Variants in BICRA observed in about 807,000 individuals in gnomAD.
BICRA encodes the protein BRD4-interacting chromatin-remodeling complex-associated protein.
Under a neutral mutation model 96.9 loss-of-function variants are expected in BICRA, and 31 were observed. The observed-to-expected ratio is 0.32, with a 90% CI of 0.24 to 0.43. BICRA has a LOEUF of 0.43. Ranked by LOEUF, BICRA falls within the 20% of genes least tolerant of loss-of-function variation. The pLI is 1.00. For synonymous variants in BICRA, 1,350 were observed against 1,071.8 expected (o/e 1.26, Z -5.07); for missense variants, 2,283 against 2,190.3 (o/e 1.04, Z -0.84).
At chr19:47,668,428 G>A (rs1465508607) in intron 1 of BICRA, among the ~76,000 whole-genome samples, 1 of 151,796 alleles carries the variant, frequency 6.6e-6, no homozygotes, top group Non-Finnish European at 1.5e-5. Context: ...AGCTCAAATT[G>A]CAAAGCAGTG....
In BICRA at chr19:47,679,832, G is replaced by A. The variant is rs1973003110; in HGVS notation, c.662G>A (p.Ser221Asn). The A allele has an allele frequency of 2.0e-6, 3 of 1,489,194 alleles. No individual in the cohort carries two copies. Among genetic ancestry groups the A allele is most frequent in the South Asian group, 1.3e-5 (1 of 76,124 alleles). 92.2% of individuals were successfully genotyped at this position (1,489,194 alleles called of 1,614,324 possible). A position where few individuals can be genotyped will look rare whatever the true frequency, so the allele number is the denominator to read the frequency against. Residue 221 changes from serine to asparagine, a missense_variant, in exon 6 of 15, where the codon AGC becomes AAC. Transcript: ENST00000594866. ...GGCCTCCAAGGCCTGCCCAATGGCAGCCCTGGGGGTGCCACGGCGGCCACA... is the reference window on the plus strand; with the variant it reads ...GGCCTCCAAGGCCTGCCCAATGGCAACCCTGGGGGTGCCACGGCGGCCACA... ...IPGLQGLPNG[S>N]PGGATAATLG...
chr19:47,632,642 A>G (rs1277827236), intron 1 of BICRA, among the ~76,000 whole-genome samples: 1 of 152,148 alleles, frequency 6.6e-6, no homozygotes, highest in Non-Finnish European at 1.5e-5. Flanking sequence ...TGAGGGGTCA[A>G]ATAATAGTAC....
chr19:47,641,263 T>C (rs1033653494), intron 1 of BICRA, among the ~76,000 whole-genome samples: 2 of 151,928 alleles, frequency 1.3e-5, no homozygotes, highest in East Asian at 1.9e-4. Flanking sequence ...TTATGTACAG[T>C]GTGACACACC....
At chr19:47,620,649 G>A (rs1599783780) in intron 1 of BICRA, among the ~76,000 whole-genome samples, 1 of 108,318 alleles carries the variant, frequency 9.2e-6, no homozygotes, top group African/African-American at 3.7e-5. Context: ...TAGCTTGGGC[G>A]ACAGAGTGAG....
chr19:47,674,814 A>G (rs1343425391), intron 4 of BICRA, among the ~76,000 whole-genome samples: 3 of 152,216 alleles, frequency 2.0e-5, no homozygotes, highest in Non-Finnish European at 4.4e-5. Context: ...GAGAGAGGAC[A>G]CAGGAGGAAC....
intron 1 of BICRA, among the ~76,000 whole-genome samples, chr19:47,644,523 T>A (rs1346835533): frequency 7.1e-6 from 1 of 140,866 alleles, no homozygotes; most frequent in Admixed American, 7.1e-5. Context: ...TTCTTTCTGA[T>A]GGAATCTCAC....
At chr19:47,681,439 G>A (rs2123589439) in intron 6 of BICRA, among the ~76,000 whole-genome samples, 163 bp downstream of exon 6, 1 of 152,324 alleles carries the variant, frequency 6.6e-6, no homozygotes, top group African/African-American at 2.4e-5. Flanking sequence ...GAGGCCCGAA[G>A]GGTGAGGGCC....
At chr19:47,683,279 C>T (rs1973094661) in intron 7 of BICRA, among the ~76,000 whole-genome samples, 1 of 151,930 alleles carries the variant, frequency 6.6e-6, no homozygotes, top group Non-Finnish European at 1.5e-5. Context: ...TTCCCCCGCC[C>T]CCCGCAACCT....
chr19:47,667,696 C>T (rs1003011211), intron 1 of BICRA, among the ~76,000 whole-genome samples: 56 of 152,180 alleles, frequency 3.7e-4, no homozygotes, highest in African/African-American at 1.3e-3. Context: ...AGCCACTCGC[C>T]ACTCCTGTTC....
intron 1 of BICRA, among the ~76,000 whole-genome samples, chr19:47,631,944 C>T (rs1409796284): frequency 2.0e-5 from 3 of 152,228 alleles, no homozygotes; most frequent in African/African-American, 4.8e-5. Context: ...CTACTGCGCC[C>T]GGCCTTTCCC....
rs192731858 is a variant in BICRA, at chr19:47,622,646, C to T, written c.-108+13478C>T. Among the ~76,000 whole-genome samples, 394 of 150,246 alleles carry T rather than the reference C, an allele frequency of 2.6e-3. 2 individuals carry two copies. The highest frequency in any genetic ancestry group is 9.3e-3 in the African/African-American group (379 of 40,774). ...GACTGAGGCAGGAGAATGGTGTGAA[C>T]CCGGGAGGCGGAGCTTGCAGTGAGC... On this transcript the variant is annotated intron_variant, in intron 1 of 14. Transcript: ENST00000594866.
chr19:47,674,851 C>G (rs1972918066), intron 4 of BICRA, among the ~76,000 whole-genome samples: 1 of 152,194 alleles, frequency 6.6e-6, no homozygotes, highest in Admixed American at 6.6e-5. Context: ...GACCCAGTCT[C>G]CAAAGTCCCA....
rs780369941 is a variant in BICRA, at chr19:47,680,452, C to G, written c.1282C>G (p.Pro428Ala). The G allele has an allele frequency of 1.9e-6, 3 of 1,539,568 alleles. No individual in the cohort carries two copies. Among genetic ancestry groups the G allele is most frequent in the South Asian group, 1.2e-5 (1 of 83,986 alleles). ...GCAAGCGAACGTCTTCAAGCAGCCA[C>G]CGGCCACCACCACCGGAGCGGCCCC... The part of the protein sequence containing the change: ...ALQANVFKQP[P>A]ATTTGAAPPQ... Residue 428 changes from proline to alanine, a missense_variant, in exon 6 of 15, where the codon CCG (proline) becomes GCG (alanine). Transcript: ENST00000594866.
At chr19:47,609,426 C>T (rs1971861302) in intron 1 of BICRA, among the ~76,000 whole-genome samples, 2 of 149,272 alleles carry the variant, frequency 1.3e-5, no homozygotes, top group Admixed American at 1.3e-4. Flanking sequence ...GCCACCGGCA[C>T]CCCCAGCCCC....
intron 1 of BICRA, among the ~76,000 whole-genome samples, chr19:47,657,536 A>G (rs1276292738): frequency 6.6e-6 from 1 of 152,044 alleles, no homozygotes; most frequent in East Asian, 1.9e-4. Flanking sequence ...AGCTGGGACT[A>G]CAGGTACCCA....
chr19:47,661,573 A>C (rs1972706126), intron 1 of BICRA: 1 of 152,194 alleles, frequency 6.6e-6, no homozygotes, highest in Non-Finnish European at 1.5e-5. Flanking sequence ...GGCAGCATTT[A>C]TTTACCAATC....
chr19:47,626,055 T>C (rs1219163922), intron 1 of BICRA: 1 of 152,194 alleles, frequency 6.6e-6, no homozygotes, highest in African/African-American at 2.4e-5. Flanking sequence ...AACACACACT[T>C]GACTCTGTAT....
upstream of BICRA, among the ~76,000 whole-genome samples, chr19:47,608,836 A>AGAG (rs554119282): frequency 1.6e-3 from 224 of 144,478 alleles, no homozygotes; most frequent in Admixed American, 2.2e-3. Context: ...GGCGGAGGGA[A>AGAG]GAGGAGGAGG....
At chr19:47,625,805 G>C (rs1199129900) in intron 1 of BICRA, among the ~76,000 whole-genome samples, 1 of 152,060 alleles carries the variant, frequency 6.6e-6, no homozygotes, top group Non-Finnish European at 1.5e-5. Context: ...CAGGAGGCCA[G>C]CATGGATGGG....
Sources: gnomAD v4.1 joint callset for allele counts (sites outside exome capture counted in the v4.1 genomes callset) on GRCh38, gnomAD v4.1.1 for gene constraint, MANE v1.5 for transcripts, NCBI Gene and HGNC (gene_info 2026-07-23, HGNC 2026-07-21) for gene names.